PADI4: variants seen among roughly 807,000 people sequenced by gnomAD.
PADI4 encodes protein-arginine deiminase type-4.
A neutral mutation model predicts 75.0 loss-of-function variants in PADI4; 62 were observed. The ratio of observed to expected loss-of-function variants is 0.83; its 90% CI spans 0.67 to 1.02. The LOEUF is 1.02. Among genes scored for constraint, PADI4 ranks in the 50% least tolerant of loss-of-function variants. PADI4 has a pLI of 0.00. For synonymous variants in PADI4, 361 were observed against 348.1 expected, an observed-to-expected ratio of 1.04 and a Z score of -0.41; for missense variants, 845 against 850.5, an observed-to-expected ratio of 0.99 and a Z score of 0.08.
chr1:17,331,206 C>T lies in PADI4; in HGVS notation c.273+57C>T, dbSNP rs934168983. The T allele has an allele frequency of 1.4e-5, 20 of 1,441,860 alleles. No individual in the cohort carries two copies. The Admixed American group carries it at 2.6e-4, about 19-fold the overall frequency. 89.3% of individuals were successfully genotyped at this position (1,441,860 alleles called of 1,614,324 possible). A position where few individuals can be genotyped will look rare whatever the true frequency, so the allele number is the denominator to read the frequency against. On this transcript the variant is annotated intron_variant, in intron 2 of 15. Transcript: ENST00000375448. ...GATGGGCTTCAGCAGGGCAGCCACA[C>T]ACACTCTGTCCTGCCGTGATCCACA... is the stretch of plus-strand genomic sequence containing the variant.
intron 1 of PADI4, among the ~76,000 whole-genome samples, chr1:17,311,096 C>CAA (rs34285885): frequency 1.5e-4 from 16 of 103,632 alleles, no homozygotes; most frequent in African/African-American, 3.8e-4. Flanking sequence ...GTCTCCGTCT[C>CAA]AAAAAAAAAA....
At position 17,358,466 on chromosome 1, in the gene PADI4, C is replaced by T. The variant is rs1570099522; in HGVS notation, c.1559-372C>T. Reference sequence around the variant, plus strand: ...CCTGTAGTCCCAGCTACTCCGGAGGCTGAGGCAGGAGAATGGCGTGAACTC... The same window carrying T: ...CCTGTAGTCCCAGCTACTCCGGAGGTTGAGGCAGGAGAATGGCGTGAACTC... On this transcript the variant is annotated intron_variant, in intron 13 of 15. Transcript: ENST00000375448. Among the ~76,000 whole-genome samples the T allele has an allele frequency of 3.8e-5, 2 of 52,488 alleles. 1 individual carries two copies. Among genetic ancestry groups the T allele is most frequent in the East Asian group, 1.3e-3 (2 of 1,530 alleles). 34.4% of individuals were successfully genotyped at this position (52,488 alleles called of 152,430 possible).
intron 10 of PADI4, 38 bp from the exon 11 acceptor site, chr1:17,354,495 A>C: frequency 6.2e-7 from 1 of 1,608,560 alleles, no homozygotes; most frequent in Non-Finnish European, 8.5e-7. Context: ...CAGGGACCTC[A>C]TTCCTCTAAC....
At chr1:17,329,339 A>AT (rs1557550107) in intron 1 of PADI4, among the ~76,000 whole-genome samples, 4 of 151,258 alleles carry the variant, frequency 2.6e-5, no homozygotes, top group African/African-American at 9.7e-5. Flanking sequence ...AAAAAAAAAA[A>AT]TAGTAAATCT....
In PADI4 at chr1:17,331,066, G is replaced by T; in HGVS notation, c.190G>T (p.Gly64Cys). The T allele has an allele frequency of 6.2e-7, 1 of 1,611,374 alleles. No individual in the cohort carries two copies. The highest frequency in any genetic ancestry group is 8.5e-7 in the Non-Finnish European group (1 of 1,178,820). Reference protein sequence around the residue: ...HGPPAKKKSTGSSTWPLDPGV... With the variant: ...HGPPAKKKSTCSSTWPLDPGV... ...CCCTCCAGCCAAGAAGAAATCCACA[G>T]GTTCCTCCACATGGCCCCTGGACCC... Residue 64 changes from glycine to cysteine, a missense_variant, in exon 2 of 16, where the codon GGT becomes TGT. Physicochemically the swap from Gly to Cys is radical, Grantham distance 159. Transcript: ENST00000375448.
chr1:17,350,545 G>A (rs12725408), intron 10 of PADI4, among the ~76,000 whole-genome samples: 3,884 of 130,494 alleles, frequency 0.03, 878 homozygotes, highest in Middle Eastern at 0.042. Flanking sequence ...GCCTCAGGCC[G>A]CATCACCTGG....
chr1:17,353,339 C>T (rs2074699955), intron 10 of PADI4, among the ~76,000 whole-genome samples: 1 of 152,150 alleles, frequency 6.6e-6, no homozygotes, highest in African/African-American at 2.4e-5. Context: ...TGATAGCATG[C>T]ACCTGTGGTC....
intron 15 of PADI4, among the ~76,000 whole-genome samples, chr1:17,360,604 G>A (rs762773393): frequency 5.9e-5 from 9 of 152,278 alleles, no homozygotes; most frequent in Middle Eastern, 3.4e-3. Context: ...AGAGTCTATC[G>A]TCGCTTCTGC....
At position 17,358,077 on chromosome 1, in the gene PADI4, G is replaced by A. The variant is rs542076864; in HGVS notation, c.1559-761G>A. Among the ~76,000 whole-genome samples, 440 of 151,596 alleles carry A rather than the reference G, an allele frequency of 2.9e-3. 1 individual carries two copies. Among genetic ancestry groups the A allele is most frequent in the African/African-American group, 1.0e-2 (413 of 41,376 alleles). ...AGCCTGGCCAACGTGATGAAACCCC[G>A]ACTTTACTAAAAGTACAAAAATTAG... On this transcript the variant is annotated intron_variant, in intron 13 of 15. Transcript: ENST00000375448.
intron 1 of PADI4, among the ~76,000 whole-genome samples, chr1:17,319,955 C>T (rs2074006700): frequency 6.6e-6 from 1 of 152,182 alleles, no homozygotes; most frequent in Admixed American, 6.5e-5. Flanking sequence ...AAGGAGGCAG[C>T]TGTGGGGTAA....
chr1:17,325,220 A>G (rs2074098536), intron 1 of PADI4, among the ~76,000 whole-genome samples: 1 of 152,200 alleles, frequency 6.6e-6, no homozygotes, highest in African/African-American at 2.4e-5. Context: ...CTTCCTAACC[A>G]TATACATAGT....
rs891047054 is a variant in PADI4 at position 17,356,789 on chromosome 1, G to C, written c.1558+330G>C. Among the ~76,000 whole-genome samples, 1 of 151,666 alleles carries C rather than the reference G, an allele frequency of 6.6e-6. No individual in the cohort carries two copies. Among genetic ancestry groups the C allele is most frequent in the African/African-American group, 2.4e-5 (1 of 41,274 alleles). On this transcript the variant is annotated intron_variant, in intron 13 of 15. Transcript: ENST00000375448. This position sits in a 1 kb window ranked among gnomAD's most constrained non-coding sequence, Gnocchi z 4.1. ...AAGTAGGGGTTGGCTGGGCAAACGG[G>C]GCAGGGAAATGAGAGGAAGAGAGAT...
chr1:17,339,729 C>T lies in PADI4; in HGVS notation c.568C>T (p.Pro190Ser), dbSNP rs1557561856. 2 of 1,613,952 alleles carry T rather than the reference C, an allele frequency of 1.2e-6. No homozygotes were observed. Among genetic ancestry groups the T allele is most frequent in the East Asian group, 2.2e-5 (1 of 44,862 alleles). The change falls in exon 6 of 16, where the codon CCC becomes TCC. Residue 190 changes from proline to serine, a missense_variant. Transcript: ENST00000375448. ...MSLMTLSTKT[P>S]KDFFTNHTLV... ...GCTGATGACCCTGAGCACGAAGACC[C>T]CCAAGGACTTCTTCACAAACCATAC...
At chr1:17,321,819 G>C (rs2074036031) in intron 1 of PADI4, among the ~76,000 whole-genome samples, 1 of 152,216 alleles carries the variant, frequency 6.6e-6, no homozygotes, top group African/African-American at 2.4e-5. Flanking sequence ...GTGTCTGGGA[G>C]GCAGGTCCAT....
intron 1 of PADI4, among the ~76,000 whole-genome samples, chr1:17,315,910 G>A (rs954754923): frequency 4.6e-5 from 7 of 151,764 alleles, no homozygotes; most frequent in Non-Finnish European, 8.8e-5. Context: ...CAGCCCCCAG[G>A]GCTACACCTG....
In PADI4 at chr1:17,359,397, T is replaced by A; in HGVS notation, c.1747T>A (p.Phe583Ile). 6.2e-7 allele frequency: 1 copy of A among 1,614,062 alleles called. No homozygotes were observed. Among genetic ancestry groups the A allele is most frequent in the South Asian group, 1.1e-5 (1 of 91,074 alleles). ...AGAGTTCTCTAAGGCGGAAGCTTTT[T>A]TCCCCAACATGGTGAGGAGGTGGCG... The part of the protein sequence containing the change: ...LKEFSKAEAF[F>I]PNMVNMLVLG... Residue 583 changes from phenylalanine (F) to isoleucine (I), a missense_variant, in exon 15 of 16, where the codon TTC becomes ATC. Transcript: ENST00000375448.
At chr1:17,317,279 CAT>C (rs1180326937) in intron 1 of PADI4, among the ~76,000 whole-genome samples, 3 of 151,114 alleles carry the variant, frequency 2.0e-5, no homozygotes, top group Non-Finnish European at 4.4e-5. Flanking sequence ...ACGCCACAGA[CAT>C]AATGCCGACG....
At position 17,338,170 on chromosome 1, in the gene PADI4, C is replaced by A. The variant is rs779368498; in HGVS notation, c.526+15C>A. 9.8e-6 allele frequency: 15 copies of A among 1,536,390 alleles called. No homozygotes were observed. The highest frequency in any genetic ancestry group is 1.3e-5 in the Non-Finnish European group (14 of 1,109,712). On this transcript the variant is annotated intron_variant, in intron 5 of 15. Transcript: ENST00000375448. ...TGACAGCGAAGGTAAAGAGCATTTG[C>A]TAGCTAACGGGAAGGGCTTTTTATA... is the stretch of plus-strand genomic sequence containing the variant.
At chr1:17,309,841 G>A (rs984908799) in intron 1 of PADI4, among the ~76,000 whole-genome samples, 2 of 152,240 alleles carry the variant, frequency 1.3e-5, no homozygotes, top group African/African-American at 4.8e-5. Context: ...CAACTCCTCT[G>A]AGAATGGGTG....
Sources: gnomAD v4.1 joint callset for allele counts (sites outside exome capture counted in the v4.1 genomes callset) on GRCh38, gnomAD v4.1.1 for gene constraint, Gnocchi (gnomAD v3.1) non-coding constraint, MANE v1.5 for transcripts, NCBI Gene and HGNC (gene_info 2026-07-23, HGNC 2026-07-21) for gene names.